The following NR2C1 variants were observed in gnomAD, a reference collection of about 807,000 sequenced individuals.
NR2C1 encodes the protein nuclear receptor subfamily 2 group C member 1.
A neutral mutation model predicts 74.8 loss-of-function variants in NR2C1; 33 were observed. That is an observed-to-expected ratio of 0.44 (90% CI 0.33 to 0.59). The LOEUF (loss-of-function observed/expected upper bound fraction) is 0.59, where lower values mean the gene tolerates loss of function less well. Among genes scored for constraint, NR2C1 ranks in the 20% least tolerant of loss-of-function variants. The pLI is 0.02. For synonymous variants in NR2C1, 225 were observed against 240.6 expected (o/e 0.94, Z 0.60); for missense variants, 568 against 715.6 (o/e 0.79, Z 2.35).
In NR2C1 at chr12:95,031,462, T is replaced by G. The variant is rs762152577; in HGVS notation, c.1280A>C (p.Lys427Thr). The stretch of plus-strand genomic sequence containing the variant: ...AGTAAAAAGTTCATTCCAGTAAGCT[T>G]TCACCAGTGATATGCTGTTTTCTTG... ...LGQENSISLV[K>T]AYWNELFTLG... Residue 427 changes from lysine to threonine, a missense_variant, in exon 11 of 14, where the codon AAA becomes ACA. Coordinates refer to ENST00000333003, the MANE Select transcript of NR2C1 (RefSeq NM_003297.4). 1 of 1,602,858 alleles carries G rather than the reference T, an allele frequency of 6.2e-7. No homozygotes were observed. Among genetic ancestry groups the G allele is most frequent in the Non-Finnish European group, 8.5e-7 (1 of 1,175,742 alleles).
chr12:95,027,813 T>C (rs910992756), intron 12 of NR2C1, among the ~76,000 whole-genome samples: 3 of 152,200 alleles, frequency 2.0e-5, no homozygotes, highest in Admixed American at 1.3e-4. Context: ...CAATCTAATT[T>C]TGGAACATTT....
chr12:95,026,190 G>C (rs2136091823), intron 12 of NR2C1, among the ~76,000 whole-genome samples: 2 of 149,942 alleles, frequency 1.3e-5, no homozygotes, highest in South Asian at 4.2e-4. Flanking sequence ...CTGGGCAACA[G>C]AGTGAGACTC....
At chr12:95,060,654 CAAAAACAAAA>C (rs1874662118) in intron 3 of NR2C1, among the ~76,000 whole-genome samples, 1 of 152,090 alleles carries the variant, frequency 6.6e-6, no homozygotes, top group African/African-American at 2.4e-5. Context: ...GACTCCATCT[CAAAAACAAAA>C]CAAAACAAAA....
intron 1 of NR2C1, among the ~76,000 whole-genome samples, chr12:95,070,257 G>A (rs557036334): frequency 6.6e-6 from 1 of 152,046 alleles, no homozygotes; most frequent in South Asian, 2.1e-4. Context: ...TCAGCCTCCC[G>A]AGTAGCTGGG....
chr12:95,059,811 A>C (rs1592782043), intron 4 of NR2C1, 95 bp downstream of exon 4: 1 of 811,786 alleles, frequency 1.2e-6, no homozygotes, highest in East Asian at 2.7e-5. Flanking sequence ...CTTTTAGTAG[A>C]AGAAACATGG....
intron 8 of NR2C1, among the ~76,000 whole-genome samples, chr12:95,049,920 C>T (rs1872755798): frequency 6.6e-6 from 1 of 152,122 alleles, no homozygotes; most frequent in Non-Finnish European, 1.5e-5. Context: ...CCACCTCAAC[C>T]TCCCGAGCAG....
At chr12:95,030,911 G>T in intron 11 of NR2C1, 1 of 1,481,488 alleles carries the variant, frequency 6.7e-7, no homozygotes, top group South Asian at 1.2e-5. Flanking sequence ...GATTGTTCCT[G>T]ACTCTTCAGA....
intron 9 of NR2C1, 111 bp from the exon 10 acceptor site, chr12:95,040,708 C>T: frequency 2.1e-6 from 2 of 972,798 alleles, no homozygotes; most frequent in South Asian, 2.7e-5. Context: ...AATATATTCA[C>T]AAAAAAAGCT....
chr12:95,025,075 G>A (rs751081968), intron 13 of NR2C1, 75 bp downstream of exon 13: 8 of 610,104 alleles, frequency 1.3e-5, no homozygotes, highest in Non-Finnish European at 2.2e-5. Context: ...TATTGTGAGA[G>A]TAGTAATAAT....
chr12:95,065,857 G>A (rs1299618484), intron 2 of NR2C1, among the ~76,000 whole-genome samples: 1 of 151,862 alleles, frequency 6.6e-6, no homozygotes, highest in Admixed American at 6.6e-5. Flanking sequence ...GGCTGAGGCA[G>A]GAGAATCCAT....
rs1045056126 is a variant in NR2C1 at position 95,055,128 on chromosome 12, T to A, written c.783+2425A>T. On this transcript the variant is annotated intron_variant, in intron 7 of 13. Coordinates refer to ENST00000333003, the MANE Select transcript of NR2C1 (RefSeq NM_003297.4). ...AGAAGAATTTTTCTTTCTAACTAGA[T>A]TCTTAAGTTTTTGCCCCTAAAGGCT... 1.2e-4 allele frequency among the ~76,000 whole-genome samples: 19 copies of A among 152,338 alleles called. 4 individuals carry two copies. Among genetic ancestry groups the A allele is most frequent in the Admixed American group, 7.2e-4 (11 of 15,302 alleles).
intron 10 of NR2C1, among the ~76,000 whole-genome samples, chr12:95,036,205 G>C (rs957408647): frequency 2.7e-5 from 4 of 148,628 alleles, no homozygotes; most frequent in Admixed American, 1.4e-4. Flanking sequence ...GAAGCAAAAA[G>C]AGCTGAGTAG....
chr12:95,049,789 A>T (rs1038263218), intron 8 of NR2C1, among the ~76,000 whole-genome samples: 1 of 152,142 alleles, frequency 6.6e-6, no homozygotes, highest in East Asian at 1.9e-4. Flanking sequence ...AAAATTCAGA[A>T]AACATTTTAC....
At chr12:95,055,632 C>G (rs1873716861) in intron 7 of NR2C1, among the ~76,000 whole-genome samples, 1 of 152,082 alleles carries the variant, frequency 6.6e-6, no homozygotes, top group South Asian at 2.1e-4. Context: ...CTTGCATAAA[C>G]AGGACAAATA....
chr12:95,060,812 T>C (rs1874676128), intron 3 of NR2C1, among the ~76,000 whole-genome samples: 1 of 152,252 alleles, frequency 6.6e-6, no homozygotes, highest in Non-Finnish European at 1.5e-5. Flanking sequence ...GGAATACTTC[T>C]GATTTTATGA....
intron 2 of NR2C1, chr12:95,066,998 A>G (rs1467112708): frequency 6.5e-6 from 2 of 308,568 alleles, no homozygotes; most frequent in African/African-American, 2.2e-5. Flanking sequence ...TGATCCCACC[A>G]AAACTAGGCT....
At chr12:95,022,479 T>C (rs1868873731) in intron 13 of NR2C1, 76 bp from the exon 14 acceptor site, 1 of 1,111,876 alleles carries the variant, frequency 9.0e-7, no homozygotes, top group South Asian at 1.4e-5. Context: ...ATATGAGTAA[T>C]TTCTGCATGT....
Position 95,059,883 on chromosome 12 carries a change from TAGG to T in NR2C1, c.364+20_364+22del. 6.5e-7 allele frequency: 1 copy of T among 1,536,590 alleles called. No individual in the cohort carries two copies. On this transcript the variant is annotated intron_variant, in intron 4 of 13. Transcript: ENST00000333003. ...GGAGGTTATTTTTTTTTTCTGTTTTTAGGAGGTTATTCTTAATGTTACCTGATG... is the reference window on the plus strand; with the variant it reads ...GGAGGTTATTTTTTTTTTCTGTTTTTAGGTTATTCTTAATGTTACCTGATG...
intron 2 of NR2C1, among the ~76,000 whole-genome samples, chr12:95,065,248 T>C (rs1179081439): frequency 6.6e-6 from 1 of 152,084 alleles, no homozygotes; most frequent in Non-Finnish European, 1.5e-5. Context: ...AGTGGTGCGA[T>C]CTCGGCTCAC....
Sources: gnomAD v4.1 joint callset for allele counts (sites outside exome capture counted in the v4.1 genomes callset) on GRCh38, gnomAD v4.1.1 for gene constraint, MANE v1.5 for transcripts, NCBI Gene and HGNC (gene_info 2026-07-23, HGNC 2026-07-21) for gene names.